SRFBP1: variants seen among roughly 807,000 people sequenced by gnomAD.
SRFBP1 encodes the protein serum response factor binding protein 1, also known as serum response factor-binding protein 1.
In SRFBP1, 47 loss-of-function variants were observed where a neutral mutation model predicts 45.5. The ratio of observed to expected loss-of-function variants is 1.03; its 90% CI spans 0.82 to 1.32. SRFBP1 has a LOEUF of 1.32. SRFBP1 is among the 40% of genes most tolerant of loss of function. SRFBP1 has a pLI of 0.00. For synonymous variants in SRFBP1, 203 were observed against 166.3 expected, an observed-to-expected ratio of 1.22 and a Z score of -1.70; for missense variants, 621 against 484.6, an observed-to-expected ratio of 1.28 and a Z score of -2.64.
At chr5:122,042,652 T>A (rs925877881) in intron 2 of SRFBP1, among the ~76,000 whole-genome samples, 100 of 152,330 alleles carry the variant, frequency 6.6e-4, no homozygotes, top group African/African-American at 2.4e-3. Flanking sequence ...ATTAGTTAGT[T>A]AACAATTTTC....
chr5:122,047,722 T>C (rs1376946501), intron 2 of SRFBP1, among the ~76,000 whole-genome samples: 1 of 152,206 alleles, frequency 6.6e-6, no homozygotes, highest in Non-Finnish European at 1.5e-5. Context: ...TTTTATTTCA[T>C]TGAGCAGTGG....
At position 122,020,408 on chromosome 5, in the gene SRFBP1, C is replaced by T. The variant is rs764216203; in HGVS notation, c.673C>T (p.Pro225Ser). 1 of 1,613,964 alleles carries T rather than the reference C, an allele frequency of 6.2e-7. No individual in the cohort carries two copies. The highest frequency in any genetic ancestry group is 1.7e-5 in the Admixed American group (1 of 60,006). Residue 225 changes from proline to serine, a missense_variant, in exon 6 of 8, where the codon CCA becomes TCA. Physicochemically the swap from Pro to Ser is moderately conservative, Grantham distance 74 (BLOSUM62 -1). Transcript: ENST00000339397. Reference sequence around the variant, plus strand: ...TGAGTCCCAGAAGACACCTGCTGACCCAAAACTGAAAACTCTAAGTCAAAC... The same window carrying T: ...TGAGTCCCAGAAGACACCTGCTGACTCAAAACTGAAAACTCTAAGTCAAAC... ...SLESQKTPAD[P>S]KLKTLSQTKK...
rs1043766953 is a variant in SRFBP1 at position 121,974,773 on chromosome 5, A to T, written c.125+489A>T. 3.3e-5 allele frequency among the ~76,000 whole-genome samples: 5 copies of T among 152,044 alleles called. No individual in the cohort carries two copies. The South Asian group carries it at 1.0e-3, about 31-fold the overall frequency. ...GAAAAATACAATATTTTGTATTTTC[A>T]GTATCACTAGTGTTAGTGAAAAAGT... On this transcript the variant is annotated intron_variant, in intron 2 of 7. Transcript: ENST00000339397.
intron 4 of SRFBP1, among the ~76,000 whole-genome samples, chr5:121,995,294 C>G (rs1297292421): frequency 6.6e-6 from 1 of 151,976 alleles, no homozygotes; most frequent in African/African-American, 2.4e-5. Flanking sequence ...TGTAAAAGAA[C>G]AGAAATTATA....
At chr5:122,050,115 GC>G (rs1390557471) in intron 2 of SRFBP1, among the ~76,000 whole-genome samples, 1 of 152,152 alleles carries the variant, frequency 6.6e-6, no homozygotes, top group African/African-American at 2.4e-5. Flanking sequence ...GGCTGGATTA[GC>G]TTTTTGCTGT....
chr5:122,053,426 A>G (rs933393742), intron 2 of SRFBP1, among the ~76,000 whole-genome samples: 1 of 152,050 alleles, frequency 6.6e-6, no homozygotes. Context: ...GTGCTCTGCC[A>G]TTGGGGTGTT....
chr5:122,012,671 G>A (rs953779857), intron 4 of SRFBP1, among the ~76,000 whole-genome samples: 1 of 152,080 alleles, frequency 6.6e-6, no homozygotes, highest in Non-Finnish European at 1.5e-5. Context: ...ATATACTAAG[G>A]AGATATATGT....
intron 2 of SRFBP1, among the ~76,000 whole-genome samples, chr5:122,033,878 C>A (rs1753633114): frequency 7.3e-6 from 1 of 136,486 alleles, no homozygotes; most frequent in Non-Finnish European, 1.5e-5. Flanking sequence ...GGCTGGAGTG[C>A]AGTGGCACGA....
intron 2 of SRFBP1, among the ~76,000 whole-genome samples, chr5:122,040,343 T>C (rs1753755802): frequency 1.3e-5 from 2 of 152,146 alleles, no homozygotes; most frequent in African/African-American, 4.8e-5. Context: ...CCTGCAAAAA[T>C]TAAGTAGCCT....
intron 4 of SRFBP1, among the ~76,000 whole-genome samples, chr5:121,995,501 A>G (rs1752704346): frequency 1.3e-5 from 2 of 152,306 alleles, no homozygotes; most frequent in African/African-American, 4.8e-5. Flanking sequence ...AATCTCTGGG[A>G]CACATTCAAA....
intron 1 of SRFBP1, among the ~76,000 whole-genome samples, chr5:121,972,694 A>G (rs577403090): frequency 6.6e-6 from 1 of 151,956 alleles, no homozygotes; most frequent in Admixed American, 6.6e-5. Flanking sequence ...TGGTGGTCCT[A>G]ATGAAGTCAA....
At chr5:122,000,683 C>T (rs1254779769) in intron 4 of SRFBP1, among the ~76,000 whole-genome samples, 1 of 152,094 alleles carries the variant, frequency 6.6e-6, no homozygotes, top group Non-Finnish European at 1.5e-5. Context: ...CATCCCACTC[C>T]AAATTGACTA....
chr5:122,062,431 C>A (rs1754186416), intron 2 of SRFBP1, among the ~76,000 whole-genome samples: 3 of 127,536 alleles, frequency 2.4e-5, no homozygotes, highest in Non-Finnish European at 3.4e-5. Flanking sequence ...AGTTTTCAGA[C>A]AAAAAGGAAA....
chr5:122,001,541 G>A (rs1489307058), intron 4 of SRFBP1, among the ~76,000 whole-genome samples: 1 of 145,444 alleles, frequency 6.9e-6, no homozygotes, highest in Admixed American at 6.8e-5. Context: ...GTCATCCTTT[G>A]GTATCTTTTT....
At chr5:122,054,224 G>C (rs1220133798) in intron 2 of SRFBP1, among the ~76,000 whole-genome samples, 1 of 152,176 alleles carries the variant, frequency 6.6e-6, no homozygotes, top group African/African-American at 2.4e-5. Flanking sequence ...AGTGTGGTAG[G>C]GGTTTCTGGG....
chr5:121,997,609 G>A (rs1752758442), intron 4 of SRFBP1, among the ~76,000 whole-genome samples: 1 of 151,548 alleles, frequency 6.6e-6, no homozygotes, highest in Non-Finnish European at 1.5e-5. Context: ...GCATGGGCAA[G>A]GACTTCATAT....
At position 122,027,103 on chromosome 5, in the gene SRFBP1, A is replaced by G. The variant is rs200418622; in HGVS notation, c.1267A>G (p.Lys423Glu). 1.9e-4 allele frequency: 298 copies of G among 1,601,420 alleles called. No individual in the cohort carries two copies. The African/African-American group carries it at 2.7e-3, about 14-fold the overall frequency. The change falls in exon 8 of 8, where the codon AAA (lysine) becomes GAA (glutamate). Residue 423 changes from lysine to glutamate, a missense_variant. Coordinates refer to ENST00000339397, the MANE Select transcript of SRFBP1 (RefSeq NM_152546.3). ...QQSNIAVFQGKKITFDD is the reference protein window; with the variant it reads ...QQSNIAVFQGEKITFDD ...ATCTAATATTGCTGTGTTTCAGGGGAAAAAAATTACGTTTGATGATTGATT... is the reference window on the plus strand; with the variant it reads ...ATCTAATATTGCTGTGTTTCAGGGGGAAAAAATTACGTTTGATGATTGATT...
rs61749623 is a variant in SRFBP1 at position 122,070,079 on chromosome 5, C to T, written n.312-5236C>T. 13 of 1,612,078 alleles carry T rather than the reference C, an allele frequency of 8.1e-6. No individual in the cohort carries two copies. In the Middle Eastern group the frequency reaches 6.6e-4, roughly 82 times the overall value. ...GTGAAATTGTGCAGCCTGAGGCATA[C>T]GCATGATGTCCTGTGTAGCGAATGT... is the stretch of plus-strand genomic sequence containing the variant. On this transcript the variant is annotated intron_variant and non_coding_transcript_variant, in intron 2 of 2. Coordinates refer to the SRFBP1 transcript ENST00000504881.
intron 3 of SRFBP1, among the ~76,000 whole-genome samples, chr5:121,977,075 G>T (rs953283884): frequency 1.3e-5 from 2 of 152,088 alleles, no homozygotes; most frequent in South Asian, 2.1e-4. Flanking sequence ...CCTGTTTTCT[G>T]TTTCTTGTTT....
Sources: allele counts gnomAD v4.1 joint callset (sites outside exome capture counted in the v4.1 genomes callset), GRCh38; gene constraint gnomAD v4.1.1; transcripts MANE v1.5; gene names NCBI Gene and HGNC (gene_info 2026-07-23, HGNC 2026-07-21).